The following KYNU variants were observed in gnomAD, a reference collection of about 807,000 sequenced individuals.
The protein encoded by KYNU is kynureninase, also known as L-kynurenine hydrolase.
KYNU carries 54 observed loss-of-function variants against 59.2 expected under a neutral mutation model. The ratio of observed to expected loss-of-function variants is 0.91; its 90% CI spans 0.73 to 1.14. KYNU has a LOEUF of 1.14. KYNU is among the 50% of genes most tolerant of loss of function. The pLI is 0.00. For missense variants in KYNU, 567 were observed against 554.4 expected (o/e 1.02, Z -0.23); for synonymous variants, 177 against 192.0 (o/e 0.92, Z 0.65).
chr2:143,040,907 T>C (rs1372525067), intron 13 of KYNU, among the ~76,000 whole-genome samples: 1 of 152,096 alleles, frequency 6.6e-6, no homozygotes, highest in African/African-American at 2.4e-5. Context: ...TTACTCATTC[T>C]TTTCATAACA....
At position 143,042,630 on chromosome 2, in the gene KYNU, A is replaced by ATGTGTGTGTG. The variant is rs1199910652; in HGVS notation, c.*468_*477dup. 2.5e-5 allele frequency: 3 copies of ATGTGTGTGTG among 118,108 alleles called. No individual in the cohort carries two copies. The highest frequency in any genetic ancestry group is 1.3e-4 in the African/African-American group (3 of 23,886). 7.3% of individuals were successfully genotyped at this position (118,108 alleles called of 1,614,324 possible). ...TATATATATATATATATATATATAT[A>ATGTGTGTGTG]TGTGTGTGTGTGTGTGTGTATATAT... On this transcript the variant is annotated 3_prime_UTR_variant, in exon 14 of 14. Transcript: ENST00000264170.
rs143169023 is a variant in KYNU at position 143,037,211 on chromosome 2, A to G, written c.1042-3217A>G. On this transcript the variant is annotated intron_variant, in intron 12 of 13. Transcript: ENST00000264170. ...TGGCAAGTACTCTCTCCCTCAATGG[A>G]CACGAAGTGTGACCTTACACAAGCA... 5.3e-4 allele frequency among the ~76,000 whole-genome samples: 81 copies of G among 152,316 alleles called. 2 individuals are homozygous for G. Among genetic ancestry groups the G allele is most frequent in the African/African-American group, 1.9e-3 (79 of 41,584 alleles).
intron 2 of KYNU, among the ~76,000 whole-genome samples, chr2:142,902,338 C>T (rs1053135264): frequency 8.5e-5 from 13 of 152,178 alleles, no homozygotes; most frequent in African/African-American, 3.1e-4. Flanking sequence ...CGTTGGTAAG[C>T]TTAACACTGA....
chr2:142,980,879 C>CA (rs1277947055), intron 8 of KYNU, among the ~76,000 whole-genome samples: 4 of 152,076 alleles, frequency 2.6e-5, no homozygotes, highest in African/African-American at 9.7e-5. Flanking sequence ...TTCACATATG[C>CA]ATATCATGTT....
intron 10 of KYNU, among the ~76,000 whole-genome samples, chr2:143,009,692 C>T (rs1375766448): frequency 3.0e-5 from 3 of 99,056 alleles, no homozygotes; most frequent in African/African-American, 5.7e-5. Flanking sequence ...TCCAGCAGCA[C>T]ATCAAAAAGC....
chr2:142,885,126 A>G (rs913033609), intron 1 of KYNU, among the ~76,000 whole-genome samples: 8 of 141,256 alleles, frequency 5.7e-5, no homozygotes, highest in Non-Finnish European at 1.1e-4. Context: ...CGGCCTCCCA[A>G]AGTGCTGGGA....
chr2:142,967,327 G>A (rs1343358566), intron 8 of KYNU: 2 of 151,920 alleles, frequency 1.3e-5, no homozygotes, highest in Non-Finnish European at 2.9e-5. Flanking sequence ...ACTAAAAGTT[G>A]AATGCAAATG....
rs78700147 is a variant in KYNU, at chr2:143,051,974, G to A, written c.*9802G>A. ...GAAATTTGGAACTCCCTAGAGACTT[G>A]TTGAATGGCTTTAACCAAAATGCTG... On this transcript the variant is annotated 3_prime_UTR_variant, in exon 14 of 14. Transcript: ENST00000264170. 23,922 of 152,386 alleles carry A rather than the reference G, an allele frequency of 0.16. 1,962 individuals carry two copies. The highest frequency in any genetic ancestry group is 0.27 in the East Asian group (1,394 of 5,184). The allele number at this position is 152,386 out of a possible 1,614,324, so 9.4% of individuals were successfully genotyped here.
intron 8 of KYNU, among the ~76,000 whole-genome samples, chr2:142,970,637 T>C (rs1367851431): frequency 6.6e-6 from 1 of 152,220 alleles, no homozygotes; most frequent in Non-Finnish European, 1.5e-5. Context: ...AAAAGTCAGT[T>C]GGACTTTGTT....
chr2:142,928,660 GTAAT>G (rs1683115690), intron 4 of KYNU, among the ~76,000 whole-genome samples: 1 of 152,028 alleles, frequency 6.6e-6, no homozygotes, highest in South Asian at 2.1e-4. Context: ...TATTTAAAAA[GTAAT>G]TATTGATTTT....
At chr2:142,886,224 T>A (rs769494278) in intron 2 of KYNU, among the ~76,000 whole-genome samples, 1 of 152,206 alleles carries the variant, frequency 6.6e-6, no homozygotes, top group African/African-American at 2.4e-5. Context: ...CCAGGTTGAA[T>A]GGAATTAGTC....
In KYNU at chr2:143,045,841, G is replaced by A. The variant is rs535812659; in HGVS notation, c.*3669G>A. The A allele has an allele frequency of 5.9e-5, 9 of 152,196 alleles. No homozygotes were observed. The East Asian group carries it at 1.4e-3, about 23-fold the overall frequency. The allele number at this position is 152,196 out of a possible 1,614,324, so 9.4% of individuals were successfully genotyped here. The stretch of plus-strand genomic sequence containing the variant: ...CTTCATAGTGGTAAACAAAACATAT[G>A]TGTTTTCAGTTCTCATGGAACAAGC... On this transcript the variant is annotated 3_prime_UTR_variant, in exon 14 of 14. Coordinates refer to ENST00000264170, the MANE Select transcript of KYNU (RefSeq NM_003937.3).
At chr2:142,985,498 G>A (rs1685172210) in intron 9 of KYNU, among the ~76,000 whole-genome samples, 1 of 151,678 alleles carries the variant, frequency 6.6e-6, no homozygotes, top group South Asian at 2.1e-4. Flanking sequence ...GATAAGTTGT[G>A]AAATTTCTGC....
chr2:142,924,185 G>A (rs1682977345), intron 3 of KYNU, among the ~76,000 whole-genome samples: 1 of 151,894 alleles, frequency 6.6e-6, no homozygotes, highest in Non-Finnish European at 1.5e-5. Context: ...GCTCACTGCA[G>A]CCTTAAACAC....
At chr2:142,929,359 C>CAA (rs5834929) in intron 4 of KYNU, among the ~76,000 whole-genome samples, 1,739 of 105,858 alleles carry the variant, frequency 0.016, 32 homozygotes, top group Admixed American at 0.068. Context: ...TTGCCTTTCT[C>CAA]AAAAAAAAAA....
chr2:143,033,235 G>C lies in KYNU; in HGVS notation c.956-1G>C. 1.9e-6 allele frequency: 3 copies of C among 1,605,000 alleles called. No individual in the cohort carries two copies. The highest frequency in any genetic ancestry group is 2.6e-6 in the Non-Finnish European group (3 of 1,171,798). On this transcript the variant is annotated splice_acceptor_variant, in intron 11 of 13. Transcript: ENST00000264170. LOFTEE classifies it high-confidence loss of function. The stretch of plus-strand genomic sequence containing the variant: ...ATAATGACATGATATTAATTTCTCA[G>C]AACTGCAGTTAATCCCTGGGGTCTG...
chr2:142,922,799 C>T (rs1010449191), intron 3 of KYNU, among the ~76,000 whole-genome samples: 2 of 152,120 alleles, frequency 1.3e-5, no homozygotes, highest in Admixed American at 6.5e-5. Context: ...AATAGAGGTA[C>T]AACTAGAAAT....
chr2:142,900,275 G>A (rs183760626), intron 2 of KYNU, among the ~76,000 whole-genome samples: 1 of 152,294 alleles, frequency 6.6e-6, no homozygotes, highest in Admixed American at 6.5e-5. Context: ...AGTCAGTGGT[G>A]GGTCTGCAAC....
At chr2:142,980,263 T>C (rs890550399) in intron 8 of KYNU, among the ~76,000 whole-genome samples, 1 of 151,008 alleles carries the variant, frequency 6.6e-6, no homozygotes, top group Non-Finnish European at 1.5e-5. Context: ...AATTAGCTTA[T>C]AATGAGCAGT....
Sources: allele counts gnomAD v4.1 joint callset (sites outside exome capture counted in the v4.1 genomes callset), GRCh38; gene constraint gnomAD v4.1.1; transcripts MANE v1.5; gene names NCBI Gene and HGNC (gene_info 2026-07-23, HGNC 2026-07-21).